The following PRKG1 variants were observed in gnomAD, a reference collection of about 807,000 sequenced individuals.
The protein encoded by PRKG1 is cGMP-dependent protein kinase 1.
In PRKG1, 35 loss-of-function variants were observed where a neutral mutation model predicts 88.1. That is an observed-to-expected ratio of 0.40 (90% CI 0.30 to 0.53). PRKG1 has a LOEUF of 0.53. Ranked by LOEUF, PRKG1 falls within the 20% of genes least tolerant of loss-of-function variation. The pLI, the probability that PRKG1 is intolerant of heterozygous loss-of-function variation, is 0.59. For missense variants in PRKG1, 540 were observed against 839.8 expected, an observed-to-expected ratio of 0.64 and a Z score of 4.41; for synonymous variants, 303 against 292.5, an observed-to-expected ratio of 1.04 and a Z score of -0.37.
At chr10:51,355,963 C>T (rs1416225693) in intron 2 of PRKG1, among the ~76,000 whole-genome samples, 1 of 152,032 alleles carries the variant, frequency 6.6e-6, no homozygotes, top group Admixed American at 6.6e-5. Context: ...GCCTGAGCTA[C>T]AGCACTGCTA....
At chr10:52,102,001 G>T (rs1311647639) in intron 7 of PRKG1, among the ~76,000 whole-genome samples, 1 of 152,130 alleles carries the variant, frequency 6.6e-6, no homozygotes, top group Non-Finnish European at 1.5e-5. Context: ...CTATAAAGAT[G>T]CTAAACCCTA....
intron 1 of PRKG1, among the ~76,000 whole-genome samples, chr10:51,063,369 A>G (rs530933824): frequency 3.3e-5 from 5 of 152,210 alleles, no homozygotes; most frequent in Non-Finnish European, 7.3e-5. Context: ...ACACACCCAG[A>G]CTATATGATA....
intron 4 of PRKG1, among the ~76,000 whole-genome samples, chr10:51,831,156 A>T (rs1316989550): frequency 6.6e-6 from 1 of 152,156 alleles, no homozygotes; most frequent in Non-Finnish European, 1.5e-5. Context: ...TTTAAGAGAC[A>T]CAAGGCCTTA....
chr10:52,088,928 C>G (rs2133318794), intron 7 of PRKG1, among the ~76,000 whole-genome samples: 1 of 152,248 alleles, frequency 6.6e-6, no homozygotes, highest in East Asian at 1.9e-4. Context: ...ATCCATAGAT[C>G]ATATTACATA....
intron 6 of PRKG1, among the ~76,000 whole-genome samples, chr10:52,058,033 T>C (rs998920194): frequency 2.0e-5 from 3 of 151,944 alleles, no homozygotes; most frequent in African/African-American, 7.2e-5. Context: ...CATGATATGT[T>C]TTTAGTTTCT....
chr10:51,982,114 C>G (rs997492108), intron 5 of PRKG1, among the ~76,000 whole-genome samples: 6 of 152,162 alleles, frequency 3.9e-5, no homozygotes, highest in Admixed American at 3.3e-4. Context: ...GCTATTAATA[C>G]TTGTGATTGC....
intron 3 of PRKG1, among the ~76,000 whole-genome samples, chr10:51,778,676 C>T (rs1838505295): frequency 6.6e-6 from 1 of 152,082 alleles, no homozygotes; most frequent in African/African-American, 2.4e-5. Context: ...GAGACAGAAA[C>T]AAACATAATA....
chr10:51,650,938 T>C (rs997053949), intron 3 of PRKG1, among the ~76,000 whole-genome samples: 1 of 152,148 alleles, frequency 6.6e-6, no homozygotes, highest in Non-Finnish European at 1.5e-5. Context: ...TCGTTTTACA[T>C]TTGTAGTTCT....
intron 2 of PRKG1, among the ~76,000 whole-genome samples, chr10:51,182,866 T>G (rs1837383986): frequency 6.6e-6 from 1 of 152,224 alleles, no homozygotes; most frequent in Admixed American, 6.5e-5. Context: ...AGTCTTTTTC[T>G]TTTAGCTTTG....
At chr10:51,635,832 C>A (rs536201765) in intron 3 of PRKG1, among the ~76,000 whole-genome samples, 1 of 152,092 alleles carries the variant, frequency 6.6e-6, no homozygotes, top group East Asian at 1.9e-4. Flanking sequence ...AACAATTTAG[C>A]TAAGCAATAT....
At chr10:51,888,669 G>C (rs1418948724) in intron 4 of PRKG1, among the ~76,000 whole-genome samples, 1 of 152,162 alleles carries the variant, frequency 6.6e-6, no homozygotes, top group East Asian at 1.9e-4. Context: ...GGCACTGGTT[G>C]ATTGAGAATT....
chr10:51,162,037 T>C lies in PRKG1; in HGVS notation c.478+8707T>C, dbSNP rs190609583. Among the ~76,000 whole-genome samples the C allele has an allele frequency of 1.0e-3, 157 of 152,354 alleles. 1 individual carries two copies. In the Middle Eastern group the frequency reaches 0.014, roughly 13 times the overall value. On this transcript the variant is annotated intron_variant, in intron 2 of 17. Transcript: ENST00000373980. ...TCATTTTAAAAAACACATAGATATATTTCTTCAGGGACTTTAACATGATTT... is the reference window on the plus strand; with the variant it reads ...TCATTTTAAAAAACACATAGATATACTTCTTCAGGGACTTTAACATGATTT...
intron 5 of PRKG1, among the ~76,000 whole-genome samples, chr10:52,024,573 T>C (rs994804762): frequency 6.6e-6 from 1 of 152,046 alleles, no homozygotes; most frequent in Admixed American, 6.6e-5. Flanking sequence ...AGTGAGAACA[T>C]GCAGTGTTTG....
intron 9 of PRKG1, among the ~76,000 whole-genome samples, chr10:52,173,122 C>T (rs771524416): frequency 1.6e-4 from 24 of 152,090 alleles, no homozygotes; most frequent in South Asian, 4.1e-4. Context: ...AAAATAGGCT[C>T]TTAAGGATCA....
rs190964767 is a variant in PRKG1, at chr10:51,816,326, G to A, written c.698+11636G>A. ...GGTCCAATCCAAAAATCCTCATTCT[G>A]TTAATTTATCAGGCCAATTTCCTAT... is the stretch of plus-strand genomic sequence containing the variant. On this transcript the variant is annotated intron_variant, in intron 4 of 17. Coordinates refer to ENST00000373980, the MANE Select transcript of PRKG1 (RefSeq NM_006258.4). Among the ~76,000 whole-genome samples the A allele has an allele frequency of 1.2e-3, 178 of 152,156 alleles. 1 individual carries two copies. Among genetic ancestry groups the A allele is most frequent in the African/African-American group, 4.1e-3 (171 of 41,518 alleles).
intron 1 of PRKG1, among the ~76,000 whole-genome samples, chr10:51,023,997 A>G (rs1843170377): frequency 6.6e-6 from 1 of 152,154 alleles, no homozygotes; most frequent in Non-Finnish European, 1.5e-5. Context: ...TGACACTGTA[A>G]TTTTCAACAT....
At chr10:51,255,861 A>C (rs1461987105) in intron 2 of PRKG1, among the ~76,000 whole-genome samples, 1 of 152,088 alleles carries the variant, frequency 6.6e-6, no homozygotes, top group Non-Finnish European at 1.5e-5. Context: ...CTGGGGTTTC[A>C]TTTGAGAGGA....
At chr10:51,580,537 CT>C (rs976156366) in intron 3 of PRKG1, among the ~76,000 whole-genome samples, 3 of 151,990 alleles carry the variant, frequency 2.0e-5, no homozygotes, top group African/African-American at 7.2e-5. Context: ...CATTATTAAG[CT>C]TTTATACCAC....
chr10:52,094,704 C>A (rs1479581278), intron 7 of PRKG1, among the ~76,000 whole-genome samples: 1 of 152,148 alleles, frequency 6.6e-6, no homozygotes, highest in Non-Finnish European at 1.5e-5. Context: ...CAGACAGCTG[C>A]CTTCTTGCTG....
Sources: gnomAD v4.1 joint callset for allele counts (sites outside exome capture counted in the v4.1 genomes callset) on GRCh38, gnomAD v4.1.1 for gene constraint, MANE v1.5 for transcripts, NCBI Gene and HGNC (gene_info 2026-07-23, HGNC 2026-07-21) for gene names.